Variants in TCF12 observed in about 807,000 individuals in gnomAD.
TCF12 encodes the protein DNA-binding protein HTF4.
Under a neutral mutation model 86.0 loss-of-function variants are expected in TCF12, and 45 were observed. That is an observed-to-expected ratio of 0.52 (90% CI 0.41 to 0.67). TCF12 has a LOEUF of 0.67. TCF12 is among the 30% of genes least tolerant of loss of function. The pLI is 0.00. For missense variants in TCF12, 881 were observed against 859.9 expected (o/e 1.02, Z -0.31); for synonymous variants, 330 against 299.6 (o/e 1.10, Z -1.05).
intron 5 of TCF12, among the ~76,000 whole-genome samples, chr15:57,115,100 G>A (rs1345427598): frequency 2.6e-5 from 4 of 152,140 alleles, no homozygotes; most frequent in African/African-American, 9.7e-5. Flanking sequence ...TCTTTCTGTA[G>A]TTTTGGAAAA....
rs367955662 is a variant in TCF12 at position 57,243,656 on chromosome 15, A to C, written c.1114+106A>C. 255 of 952,886 alleles carry C rather than the reference A, an allele frequency of 2.7e-4. 1 individual carries two copies. The East Asian group carries it at 5.4e-3, about 20-fold the overall frequency. The allele number at this position is 952,886 out of a possible 1,614,324, so 59.0% of individuals were successfully genotyped here. A position where few individuals can be genotyped will look rare whatever the true frequency, so the allele number is the denominator to read the frequency against. On this transcript the variant is annotated intron_variant, in intron 13 of 20. Coordinates refer to ENST00000333725, the MANE Select transcript of TCF12 (RefSeq NM_207037.2). The stretch of plus-strand genomic sequence containing the variant: ...AATAAAAATTTGTGAAAAATCATTT[A>C]GATTTTGACTATAAGAAAGTGTGTA...
rs1260993311 is a variant in TCF12 at position 57,170,717 on chromosome 15, ATATAT to A, written c.390+4257_390+4261del. On this transcript the variant is annotated intron_variant, in intron 6 of 20. Coordinates refer to ENST00000333725, the MANE Select transcript of TCF12 (RefSeq NM_207037.2). ...ATATATTATATATAATATATAATAT[ATATAT>A]TATATATTATATATAATATATATTA... 2.3e-3 allele frequency among the ~76,000 whole-genome samples: 6 copies of A among 2,658 alleles called. 1 individual carries two copies. Among genetic ancestry groups the A allele is most frequent in the Non-Finnish European group, 5.2e-3 (6 of 1,162 alleles). 1.7% of individuals were successfully genotyped at this position (2,658 alleles called of 152,430 possible).
At chr15:57,205,788 C>T (rs2057781494) in intron 8 of TCF12, among the ~76,000 whole-genome samples, 1 of 152,154 alleles carries the variant, frequency 6.6e-6, no homozygotes, top group African/African-American at 2.4e-5. Context: ...AATTAATAGC[C>T]TTTAATGTGT....
chr15:57,189,101 C>T (rs2056843911), intron 6 of TCF12, among the ~76,000 whole-genome samples: 1 of 152,088 alleles, frequency 6.6e-6, no homozygotes, highest in South Asian at 2.1e-4. Flanking sequence ...CAGTAATGAA[C>T]TCAAAATGGA....
intron 3 of TCF12, among the ~76,000 whole-genome samples, chr15:57,055,529 T>G (rs1471211427): frequency 6.6e-6 from 1 of 152,228 alleles, no homozygotes; most frequent in East Asian, 1.9e-4. Context: ...TTCAACTCCA[T>G]TCTTGAAGGA....
At chr15:57,242,269 T>C (rs2059667705) in intron 12 of TCF12, among the ~76,000 whole-genome samples, 1 of 152,182 alleles carries the variant, frequency 6.6e-6, no homozygotes, top group Non-Finnish European at 1.5e-5. Flanking sequence ...TCCATATAAG[T>C]TGGTTTGTCT....
At chr15:57,074,293 T>C (rs1193346968) in intron 4 of TCF12, among the ~76,000 whole-genome samples, 1 of 150,312 alleles carries the variant, frequency 6.7e-6, no homozygotes, top group Non-Finnish European at 1.5e-5. Context: ...AGTATTTAGC[T>C]CATATAGAAA....
At chr15:56,941,853 A>G (rs2060795313) in intron 3 of TCF12, among the ~76,000 whole-genome samples, 1 of 152,126 alleles carries the variant, frequency 6.6e-6, no homozygotes, top group Non-Finnish European at 1.5e-5. Flanking sequence ...GATAAAGATT[A>G]TAATTCTCAT....
At chr15:57,225,086 T>C (rs2058804550) in intron 8 of TCF12, among the ~76,000 whole-genome samples, 1 of 152,152 alleles carries the variant, frequency 6.6e-6, no homozygotes, top group Non-Finnish European at 1.5e-5. Flanking sequence ...ATCATTTTAA[T>C]ATTTATCTAG....
chr15:57,040,696 CA>C (rs1447753890), intron 3 of TCF12, among the ~76,000 whole-genome samples: 1 of 152,122 alleles, frequency 6.6e-6, no homozygotes, highest in Non-Finnish European at 1.5e-5. Context: ...ATCTCATGAT[CA>C]GATGTAAACA....
At chr15:57,051,614 A>G (rs2067625141) in intron 3 of TCF12, among the ~76,000 whole-genome samples, 1 of 151,974 alleles carries the variant, frequency 6.6e-6, no homozygotes, top group African/African-American at 2.4e-5. Flanking sequence ...ATGAGGCACC[A>G]CGCCCAGCCT....
At chr15:57,217,729 A>C (rs769983611) in intron 8 of TCF12, among the ~76,000 whole-genome samples, 1 of 151,900 alleles carries the variant, frequency 6.6e-6, no homozygotes, top group Non-Finnish European at 1.5e-5. Flanking sequence ...ATTTTGTTTG[A>C]TTTTCCTTTT....
chr15:57,267,120 C>T (rs4353440), intron 18 of TCF12, among the ~76,000 whole-genome samples: 59,592 of 152,094 alleles, frequency 0.39, 14,544 homozygotes, highest in Non-Finnish European at 0.54. Flanking sequence ...ATTCATTTAT[C>T]AATGATATGT....
chr15:57,073,902 C>A (rs947821698), intron 4 of TCF12, among the ~76,000 whole-genome samples: 25 of 152,090 alleles, frequency 1.6e-4, no homozygotes, highest in Non-Finnish European at 3.4e-4. Context: ...GCGCCCACCA[C>A]CACTCCTGGC....
At chr15:56,920,337 G>A (rs1165281255) in intron 2 of TCF12, among the ~76,000 whole-genome samples, 1 of 151,984 alleles carries the variant, frequency 6.6e-6, no homozygotes, top group Non-Finnish European at 1.5e-5. Context: ...AAAAAGTGTT[G>A]TTTTTTTCTT....
chr15:57,124,782 A>G (rs981828864), intron 5 of TCF12, among the ~76,000 whole-genome samples: 1 of 151,160 alleles, frequency 6.6e-6, no homozygotes, highest in Admixed American at 6.6e-5. Context: ...GGTTCACGCC[A>G]TTCTCCTCCC....
chr15:57,275,122 G>A (rs1351343667), intron 19 of TCF12, among the ~76,000 whole-genome samples: 1 of 152,140 alleles, frequency 6.6e-6, no homozygotes, highest in African/African-American at 2.4e-5. Flanking sequence ...TATGGGTACT[G>A]ACTGTTTCAT....
At chr15:57,097,632 A>G (rs2049421316) in intron 5 of TCF12, among the ~76,000 whole-genome samples, 1 of 152,238 alleles carries the variant, frequency 6.6e-6, no homozygotes, top group Admixed American at 6.5e-5. Flanking sequence ...GGGAAATAGT[A>G]TCTGATTTGA....
intron 3 of TCF12, among the ~76,000 whole-genome samples, chr15:56,925,494 G>A (rs1233568916): frequency 3.9e-5 from 6 of 152,118 alleles, no homozygotes; most frequent in Non-Finnish European, 8.8e-5. Context: ...ATCCAACCTT[G>A]ACTATAAACA....
Sources: allele counts gnomAD v4.1 joint callset (sites outside exome capture counted in the v4.1 genomes callset), GRCh38; gene constraint gnomAD v4.1.1; transcripts MANE v1.5; gene names NCBI Gene and HGNC (gene_info 2026-07-23, HGNC 2026-07-21).